The following DLG2 variants were observed in gnomAD, a reference collection of about 807,000 sequenced individuals.
The protein encoded by DLG2 is discs large MAGUK scaffold protein 2, also known as disks large homolog 2.
A neutral mutation model predicts 132.5 loss-of-function variants in DLG2; 45 were observed. That is an observed-to-expected ratio of 0.34 (90% confidence interval 0.27 to 0.44). The LOEUF (loss-of-function observed/expected upper bound fraction) is 0.44. Ranked by LOEUF, DLG2 falls within the 20% of genes least tolerant of loss-of-function variation. DLG2 has a pLI of 1.00. For synonymous variants in DLG2, 424 were observed against 419.6 expected, an observed-to-expected ratio of 1.01 and a Z score of -0.13; for missense variants, 1,045 against 1,196.9, an observed-to-expected ratio of 0.87 and a Z score of 1.87.
At chr11:84,121,750 AC>A (rs1237966486) in intron 9 of DLG2, among the ~76,000 whole-genome samples, 2 of 150,868 alleles carry the variant, frequency 1.3e-5, no homozygotes, top group African/African-American at 4.9e-5. Context: ...TTTAGTAGAG[AC>A]GGGGTTTCAC....
At chr11:84,512,203 C>G (rs895455763) in intron 7 of DLG2, among the ~76,000 whole-genome samples, 1 of 152,056 alleles carries the variant, frequency 6.6e-6, no homozygotes, top group Admixed American at 6.6e-5. Context: ...ACAACTTGTC[C>G]CCTCCCAATA....
At chr11:85,118,811 G>T (rs1320145328) in intron 5 of DLG2, among the ~76,000 whole-genome samples, 1 of 151,806 alleles carries the variant, frequency 6.6e-6, no homozygotes, top group Non-Finnish European at 1.5e-5. Context: ...TAATCTCTGT[G>T]AGTTTCAGTT....
intron 6 of DLG2, among the ~76,000 whole-genome samples, chr11:84,640,837 G>T (rs2099659395): frequency 6.6e-6 from 1 of 151,992 alleles, no homozygotes; most frequent in Non-Finnish European, 1.5e-5. Context: ...CTACTCAGGA[G>T]GCTGAGGCAG....
At chr11:85,278,196 G>T (rs2078011422) in intron 4 of DLG2, among the ~76,000 whole-genome samples, 1 of 152,134 alleles carries the variant, frequency 6.6e-6, no homozygotes, top group Non-Finnish European at 1.5e-5. Context: ...AATTTACTGT[G>T]TATCTTTGAT....
At chr11:84,427,167 A>G (rs80161381) in intron 7 of DLG2, among the ~76,000 whole-genome samples, 2,858 of 152,098 alleles carry the variant, frequency 0.019, 32 homozygotes, top group Middle Eastern at 0.041. Flanking sequence ...AAGCAGAACT[A>G]TTTTTCATTC....
intron 8 of DLG2, among the ~76,000 whole-genome samples, chr11:84,174,781 C>T (rs1370650775): frequency 2.0e-5 from 3 of 152,092 alleles, no homozygotes; most frequent in Non-Finnish European, 4.4e-5. Context: ...GAAATCATAA[C>T]CCTGTTATCT....
chr11:85,443,113 G>A (rs549904675), intron 3 of DLG2, among the ~76,000 whole-genome samples: 61 of 152,126 alleles, frequency 4.0e-4, no homozygotes, highest in African/African-American at 1.2e-4. Flanking sequence ...GTAATAGTCA[G>A]TGTAATCTTT....
At chr11:84,807,360 C>T (rs998971381) in intron 6 of DLG2, among the ~76,000 whole-genome samples, 5 of 151,986 alleles carry the variant, frequency 3.3e-5, no homozygotes, top group East Asian at 3.9e-4. Context: ...GCAGGAGAAT[C>T]GCTTGAACCC....
At chr11:83,468,540 T>C (rs1427172164) in intron 25 of DLG2, among the ~76,000 whole-genome samples, 2 of 152,190 alleles carry the variant, frequency 1.3e-5, no homozygotes, top group African/African-American at 4.8e-5. Context: ...TCTTTAGCGG[T>C]ACATTGAGAA....
At chr11:84,384,711 C>T (rs17147270) in intron 7 of DLG2, among the ~76,000 whole-genome samples, 7,829 of 151,772 alleles carry the variant, frequency 0.052, 691 homozygotes, top group African/African-American at 0.18. Flanking sequence ...TCTCACGAAC[C>T]CTACATATTC....
intron 7 of DLG2, among the ~76,000 whole-genome samples, chr11:84,376,315 C>G (rs773615246): frequency 6.6e-6 from 1 of 151,886 alleles, no homozygotes; most frequent in African/African-American, 2.4e-5. Flanking sequence ...TTTATCCCAA[C>G]TCAGATTCTA....
chr11:83,907,430 C>T (rs1235439102), intron 15 of DLG2, among the ~76,000 whole-genome samples: 2 of 152,100 alleles, frequency 1.3e-5, no homozygotes, highest in Non-Finnish European at 2.9e-5. Flanking sequence ...CTTTGGTTCA[C>T]ACTGAGTAAA....
intron 6 of DLG2, among the ~76,000 whole-genome samples, chr11:84,722,081 G>C (rs951074485): frequency 3.3e-5 from 5 of 152,156 alleles, no homozygotes; most frequent in Admixed American, 6.5e-5. Flanking sequence ...AAAAGTAGTA[G>C]AGGAGAGTTT....
chr11:83,473,814 G>A (rs1487512187), intron 22 of DLG2, among the ~76,000 whole-genome samples: 1 of 152,040 alleles, frequency 6.6e-6, no homozygotes, highest in African/African-American at 2.4e-5. Context: ...TCCTTCAACA[G>A]CCACAGCACC....
chr11:83,990,701 G>A (rs1274581262), intron 11 of DLG2, among the ~76,000 whole-genome samples: 3 of 152,142 alleles, frequency 2.0e-5, no homozygotes, highest in Admixed American at 1.3e-4. Flanking sequence ...CAGTGAATTG[G>A]TTCAACTTTA....
intron 6 of DLG2, among the ~76,000 whole-genome samples, chr11:84,615,742 T>C (rs2099602816): frequency 1.4e-5 from 2 of 146,688 alleles, no homozygotes; most frequent in Non-Finnish European, 3.0e-5. Flanking sequence ...GGCCCTATGA[T>C]ATTTTGTCTC....
At chr11:83,855,683 G>T (rs904197117) in intron 16 of DLG2, among the ~76,000 whole-genome samples, 1 of 152,062 alleles carries the variant, frequency 6.6e-6, no homozygotes, top group African/African-American at 2.4e-5. Flanking sequence ...GGGATGAATT[G>T]GTAAAAGAAG....
intron 7 of DLG2, among the ~76,000 whole-genome samples, chr11:84,294,679 T>C (rs1464414273): frequency 6.6e-6 from 1 of 152,186 alleles, no homozygotes; most frequent in Non-Finnish European, 1.5e-5. Flanking sequence ...GCCATATTTT[T>C]TATTCAGCAA....
chr11:83,942,214 T>G (rs2082813532), intron 14 of DLG2, among the ~76,000 whole-genome samples: 1 of 152,084 alleles, frequency 6.6e-6, no homozygotes, highest in African/African-American at 2.4e-5. Context: ...AAGATATTAT[T>G]AAGTGAAAAA....
Sources: gnomAD v4.1 joint callset for allele counts (sites outside exome capture counted in the v4.1 genomes callset) on GRCh38, gnomAD v4.1.1 for gene constraint, MANE v1.5 for transcripts, NCBI Gene and HGNC (gene_info 2026-07-23, HGNC 2026-07-21) for gene names.